AK8: variants seen among roughly 807,000 people sequenced by gnomAD.
AK8 encodes adenylate kinase 8.
AK8 carries 44 observed loss-of-function variants against 54.6 expected under a neutral mutation model. The ratio of observed to expected loss-of-function variants is 0.81; its 90% CI spans 0.63 to 1.04. AK8 has a LOEUF of 1.04. Among genes scored for constraint, AK8 ranks in the 50% least tolerant of loss-of-function variants. The pLI is 0.00. For missense variants in AK8, 555 were observed against 613.6 expected, an observed-to-expected ratio of 0.90 and a Z score of 1.01; for synonymous variants, 239 against 245.6, an observed-to-expected ratio of 0.97 and a Z score of 0.25.
At chr9:132,822,408 C>G (rs557578391) in intron 9 of AK8, among the ~76,000 whole-genome samples, 4 of 148,996 alleles carry the variant, frequency 2.7e-5, no homozygotes, top group African/African-American at 9.9e-5. Context: ...TTTGTATTCC[C>G]TCTCTATATT....
chr9:132,802,587 C>T (rs1840514168), intron 10 of AK8, among the ~76,000 whole-genome samples: 1 of 152,080 alleles, frequency 6.6e-6, no homozygotes, highest in Non-Finnish European at 1.5e-5. Flanking sequence ...GATGCCTGGC[C>T]AGCCCCAGCC....
At chr9:132,740,436 T>C (rs142817834) in intron 11 of AK8, among the ~76,000 whole-genome samples, 1 of 152,274 alleles carries the variant, frequency 6.6e-6, no homozygotes, top group Non-Finnish European at 1.5e-5. Context: ...CATAACCACA[T>C]GGGGGTACCA....
intron 11 of AK8, among the ~76,000 whole-genome samples, chr9:132,754,394 G>A (rs1388776384): frequency 1.3e-5 from 2 of 152,206 alleles, no homozygotes; most frequent in African/African-American, 2.4e-5. Context: ...GCAGGCCTTT[G>A]AGAGGTGTGG....
intron 11 of AK8, among the ~76,000 whole-genome samples, chr9:132,739,756 C>A (rs1203352735): frequency 2.0e-5 from 3 of 152,140 alleles, no homozygotes; most frequent in African/African-American, 7.2e-5. Flanking sequence ...AATAAAAAGT[C>A]AACTTCTACT....
At position 132,818,803 on chromosome 9, in the gene AK8, G is replaced by A. The variant is rs570981306; in HGVS notation, c.890-4076C>T. On this transcript the variant is annotated intron_variant, in intron 9 of 12. Transcript: ENST00000298545. ...TTTGAGGGTGCAACGAGCTATGATT[G>A]CACCACTGTACTCCAGCCAGGGCAA... Among the ~76,000 whole-genome samples, 3 of 151,622 alleles carry A rather than the reference G, an allele frequency of 2.0e-5. No individual in the cohort carries two copies. The East Asian group carries it at 5.8e-4, about 29-fold the overall frequency.
Position 132,826,555 on chromosome 9 carries a change from C to T in AK8, c.757+299G>A, listed in dbSNP as rs141404900. On this transcript the variant is annotated intron_variant, in intron 8 of 12. Coordinates refer to ENST00000298545, the MANE Select transcript of AK8 (RefSeq NM_152572.3). This position sits in a 1 kb window ranked among gnomAD's most constrained non-coding sequence, Gnocchi z 4.5. ...ACTTCTTGCTACCATGTCCCTCCCACCCCATCCCTTGCCTCTCCTCCTCCC... is the reference window on the plus strand; with the variant it reads ...ACTTCTTGCTACCATGTCCCTCCCATCCCATCCCTTGCCTCTCCTCCTCCC... 3.9e-3 allele frequency among the ~76,000 whole-genome samples: 589 copies of T among 152,266 alleles called. 3 individuals carry two copies. Among genetic ancestry groups the T allele is most frequent in the Admixed American group, 6.8e-3 (104 of 15,294 alleles).
chr9:132,726,070 T>A, intron 12 of AK8, 145 bp from the exon 13 acceptor site: 1 of 674,156 alleles, frequency 1.5e-6, no homozygotes, highest in Non-Finnish European at 2.6e-6. Context: ...TACTGCTGTG[T>A]GCACACCTTT....
In AK8 at chr9:132,826,164, G is replaced by A. The variant is rs1406723282; in HGVS notation, c.757+690C>T. Among the ~76,000 whole-genome samples the A allele has an allele frequency of 8.5e-5, 13 of 152,192 alleles. No homozygotes were observed. Among genetic ancestry groups the A allele is most frequent in the Admixed American group, 8.5e-4 (13 of 15,282 alleles). The stretch of plus-strand genomic sequence containing the variant: ...ATTTAATCCTCACCTACGCCTGGGA[G>A]GAGGGCACAAGTTTTGTTCCTATTT... On this transcript the variant is annotated intron_variant, in intron 8 of 12. Coordinates refer to ENST00000298545, the MANE Select transcript of AK8 (RefSeq NM_152572.3). This position sits in a 1 kb window ranked among gnomAD's most constrained non-coding sequence, Gnocchi z 4.5.
At chr9:132,806,259 G>A (rs911083746) in intron 10 of AK8, among the ~76,000 whole-genome samples, 12 of 152,010 alleles carry the variant, frequency 7.9e-5, no homozygotes, top group African/African-American at 2.9e-4. Context: ...AAGAGAAGAG[G>A]CACTGAGCTC....
chr9:132,819,599 T>C (rs1841488024), intron 9 of AK8, among the ~76,000 whole-genome samples: 1 of 152,148 alleles, frequency 6.6e-6, no homozygotes, highest in Non-Finnish European at 1.5e-5. Flanking sequence ...ATAACTGACA[T>C]AATAAGTAGA....
intron 11 of AK8, among the ~76,000 whole-genome samples, chr9:132,752,215 A>T (rs765107576): frequency 6.7e-6 from 1 of 150,274 alleles, no homozygotes; most frequent in African/African-American, 2.5e-5. Context: ...TTATCTTTGG[A>T]TATTGGAAAT....
rs193261883 is a variant in AK8 at position 132,778,636 on chromosome 9, G to T, written c.1121+13998C>A. Among the ~76,000 whole-genome samples, 174 of 152,270 alleles carry T rather than the reference G, an allele frequency of 1.1e-3. 1 individual carries two copies. The highest frequency in any genetic ancestry group is 4.1e-3 in the African/African-American group (171 of 41,544). ...AGTCATTATCCAAGGGTTTCAATGT[G>T]TTGTCCCCCAAAAGAAATTGTCATA... On this transcript the variant is annotated intron_variant, in intron 11 of 12. Coordinates refer to ENST00000298545, the MANE Select transcript of AK8 (RefSeq NM_152572.3).
intron 11 of AK8, among the ~76,000 whole-genome samples, chr9:132,739,884 G>A (rs1837288107): frequency 1.3e-5 from 2 of 152,262 alleles, no homozygotes; most frequent in African/African-American, 4.8e-5. Flanking sequence ...GGGGGCGGGG[G>A]TGTTATAAAG....
rs887431438 is a variant in AK8 at position 132,770,611 on chromosome 9, G to C, written c.1121+22023C>G. The stretch of plus-strand genomic sequence containing the variant: ...CCGGGATTGAATTGGCTGGGAAGCC[G>C]GTCCCATTTCAACAGAGACCTGGGG... On this transcript the variant is annotated intron_variant, in intron 11 of 12. Coordinates refer to ENST00000298545, the MANE Select transcript of AK8 (RefSeq NM_152572.3). The surrounding 1 kb of genome is among the most constrained non-coding windows in gnomAD (Gnocchi z 4.3). 6.6e-6 allele frequency among the ~76,000 whole-genome samples: 1 copy of C among 152,190 alleles called. No individual in the cohort carries two copies. The highest frequency in any genetic ancestry group is 2.4e-5 in the African/African-American group (1 of 41,446).
intron 11 of AK8, among the ~76,000 whole-genome samples, chr9:132,774,488 G>A (rs1839121590): frequency 6.6e-6 from 1 of 152,164 alleles, no homozygotes. Context: ...AGCTTTTAAA[G>A]CACAGTGCCG....
chr9:132,826,765 C>A lies in AK8; in HGVS notation c.757+89G>T. 1 of 1,441,640 alleles carries A rather than the reference C, an allele frequency of 6.9e-7. No individual in the cohort carries two copies. The highest frequency in any genetic ancestry group is 9.7e-7 in the Non-Finnish European group (1 of 1,035,992). 89.3% of individuals were successfully genotyped at this position (1,441,640 alleles called of 1,614,324 possible). A position where few individuals can be genotyped will look rare whatever the true frequency, so the allele number is the denominator to read the frequency against. ...CCAGGCATGTCCCAGACACTGGCCA[C>A]TACCAGAATAAGGGACAAAGTGGTA... On this transcript the variant is annotated intron_variant, in intron 8 of 12. Transcript: ENST00000298545. This position sits in a 1 kb window ranked among gnomAD's most constrained non-coding sequence, Gnocchi z 4.5.
chr9:132,832,997 G>A (rs917372626), intron 5 of AK8, among the ~76,000 whole-genome samples: 1 of 152,148 alleles, frequency 6.6e-6, no homozygotes, highest in Admixed American at 6.5e-5. Flanking sequence ...GGAAGCCCTC[G>A]AGCAGCACCC....
intron 5 of AK8, among the ~76,000 whole-genome samples, chr9:132,833,349 AC>A (rs890550736): frequency 6.6e-6 from 1 of 152,146 alleles, no homozygotes; most frequent in African/African-American, 2.4e-5. Context: ...AGTAAATAGC[AC>A]CCGACAACTG....
intron 11 of AK8, among the ~76,000 whole-genome samples, chr9:132,786,033 C>A (rs1455594546): frequency 6.6e-6 from 1 of 152,214 alleles, no homozygotes; most frequent in African/African-American, 2.4e-5. Context: ...ACAAAGGTTT[C>A]GATGCTGGAA....
Sources: allele counts gnomAD v4.1 joint callset (sites outside exome capture counted in the v4.1 genomes callset), GRCh38; gene constraint gnomAD v4.1.1; non-coding constraint Gnocchi (gnomAD v3.1); transcripts MANE v1.5; gene names NCBI Gene and HGNC (gene_info 2026-07-23, HGNC 2026-07-21).